MED13L: variants seen among roughly 807,000 people sequenced by gnomAD.
MED13L encodes mediator of RNA polymerase II transcription subunit 13-like.
Under a neutral mutation model 220.9 loss-of-function variants are expected in MED13L, and 7 were observed. That is an observed-to-expected ratio of 0.03 (90% confidence interval 0.02 to 0.06). The LOEUF (loss-of-function observed/expected upper bound fraction) is 0.06, where lower values mean the gene tolerates loss of function less well. Among genes scored for constraint, MED13L ranks in the 10% least tolerant of loss-of-function variants. MED13L has a pLI of 1.00. For synonymous variants in MED13L, 1,011 were observed against 1,015.2 expected, an observed-to-expected ratio of 1.00 and a Z score of 0.08; for missense variants, 1,965 against 2,760.5, an observed-to-expected ratio of 0.71 and a Z score of 6.46.
intron 1 of MED13L, among the ~76,000 whole-genome samples, chr12:116,258,235 C>A (rs1872216085): frequency 6.6e-6 from 1 of 152,172 alleles, no homozygotes; most frequent in African/African-American, 2.4e-5. Flanking sequence ...AGATTCAGCT[C>A]CTGTGTGACC....
chr12:115,997,917 T>C (rs751367039), intron 14 of MED13L, among the ~76,000 whole-genome samples: 60 of 152,346 alleles, frequency 3.9e-4, no homozygotes, highest in Admixed American at 3.2e-3. Context: ...CTTTCAAGTA[T>C]GTATAAAATA....
At chr12:116,057,123 TAG>T (rs1241184375) in intron 4 of MED13L, among the ~76,000 whole-genome samples, 1 of 152,118 alleles carries the variant, frequency 6.6e-6, no homozygotes, top group Non-Finnish European at 1.5e-5. Flanking sequence ...AGAAAGCTAG[TAG>T]AGTCATTTAA....
At chr12:116,262,486 A>AT (rs1412351063) in intron 1 of MED13L, among the ~76,000 whole-genome samples, 10 of 152,330 alleles carry the variant, frequency 6.6e-5, no homozygotes, top group Admixed American at 5.2e-4. Flanking sequence ...TCTTAACAGC[A>AT]TATCACACCT....
intron 7 of MED13L, among the ~76,000 whole-genome samples, chr12:116,017,599 C>T (rs1879802780): frequency 6.6e-6 from 1 of 152,098 alleles, no homozygotes; most frequent in Admixed American, 6.5e-5. Flanking sequence ...CTCTGCTCTA[C>T]CAAATGAAAG....
In MED13L at chr12:115,960,763, A is replaced by T. The variant is rs1179553558; in HGVS notation, c.*503T>A. 5.1e-6 allele frequency: 1 copy of T among 194,574 alleles called. No individual in the cohort carries two copies. The highest frequency in any genetic ancestry group is 1.1e-4 in the East Asian group (1 of 8,852). 12.1% of individuals were successfully genotyped at this position (194,574 alleles called of 1,614,324 possible). A position where few individuals can be genotyped will look rare whatever the true frequency, so the allele number is the denominator to read the frequency against. ...TAATCTGGATGGGAACACTAGGGAG[A>T]CAGAAACCCCAGTATGAAACCATGT... On this transcript the variant is annotated 3_prime_UTR_variant, in exon 31 of 31. Transcript: ENST00000281928.
intron 4 of MED13L, among the ~76,000 whole-genome samples, chr12:116,054,039 T>C (rs1868736317): frequency 6.6e-6 from 1 of 152,172 alleles, no homozygotes; most frequent in East Asian, 1.9e-4. Context: ...ACAAATTGTC[T>C]GCCAGCCGTG....
chr12:116,072,458 T>C (rs1870454666), intron 4 of MED13L, among the ~76,000 whole-genome samples: 1 of 152,060 alleles, frequency 6.6e-6, no homozygotes, highest in Non-Finnish European at 1.5e-5. Flanking sequence ...CAGTTTTTGT[T>C]TTTTGTTTTT....
chr12:116,133,857 C>G (rs1007370598), intron 2 of MED13L, among the ~76,000 whole-genome samples: 23 of 152,190 alleles, frequency 1.5e-4, no homozygotes, highest in Non-Finnish European at 3.1e-4. Context: ...CCACACGGAG[C>G]AGCCACATGT....
chr12:116,114,265 A>G (rs1874335672), intron 2 of MED13L, among the ~76,000 whole-genome samples: 1 of 152,214 alleles, frequency 6.6e-6, no homozygotes, highest in Admixed American at 6.5e-5. Context: ...GAAAGTTTAC[A>G]AACAACAAAC....
At chr12:116,228,322 T>C (rs1220850843) in intron 2 of MED13L, among the ~76,000 whole-genome samples, 1 of 152,210 alleles carries the variant, frequency 6.6e-6, no homozygotes, top group East Asian at 1.9e-4. Context: ...AGGTTTTATT[T>C]TTTTCTTTTC....
intron 2 of MED13L, among the ~76,000 whole-genome samples, chr12:116,165,423 C>CG (rs1181192977): frequency 6.6e-6 from 1 of 151,826 alleles, no homozygotes; most frequent in East Asian, 1.9e-4. Flanking sequence ...CTCTGCCTCC[C>CG]GAGTTCACGC....
At chr12:116,211,951 TAAATAACTATTA>T (rs1250717414) in intron 2 of MED13L, among the ~76,000 whole-genome samples, 1 of 151,956 alleles carries the variant, frequency 6.6e-6, no homozygotes, top group Non-Finnish European at 1.5e-5. Flanking sequence ...TGTAGTTTAA[TAAATAACTATTA>T]AAATAAGTTG....
intron 4 of MED13L, among the ~76,000 whole-genome samples, chr12:116,052,773 C>T (rs750617346): frequency 6.6e-6 from 1 of 152,146 alleles, no homozygotes; most frequent in Non-Finnish European, 1.5e-5. Context: ...GAAGAGGAAG[C>T]AGGGGAACAG....
intron 2 of MED13L, 56 bp downstream of exon 2, chr12:116,237,412 C>G: frequency 7.6e-7 from 1 of 1,324,090 alleles, no homozygotes; most frequent in Middle Eastern, 1.8e-4. Flanking sequence ...TGAAATTTAT[C>G]AATGTTCAAA....
chr12:116,045,047 A>C (rs955946318), intron 4 of MED13L, among the ~76,000 whole-genome samples: 1 of 152,196 alleles, frequency 6.6e-6, no homozygotes, highest in Non-Finnish European at 1.5e-5. Context: ...CATAAATCCA[A>C]GGAGTTAAAT....
chr12:115,965,267 T>C (rs1300656947), intron 29 of MED13L, among the ~76,000 whole-genome samples: 1 of 152,250 alleles, frequency 6.6e-6, no homozygotes, highest in Non-Finnish European at 1.5e-5. Flanking sequence ...AATATTTCAC[T>C]GTCTGGATGC....
At chr12:116,276,914 G>C (rs1020203916) in intron 1 of MED13L, 146 bp downstream of exon 1, 2 of 1,005,640 alleles carry the variant, frequency 2.0e-6, no homozygotes, top group East Asian at 5.5e-5. Context: ...ATCCAAAAGG[G>C]GGAGAATCGG....
chr12:116,032,674 T>C (rs930020739), intron 4 of MED13L, among the ~76,000 whole-genome samples: 1 of 152,224 alleles, frequency 6.6e-6, no homozygotes, highest in Non-Finnish European at 1.5e-5. Context: ...TCATCAAGAC[T>C]GTTCTTCCTG....
intron 23 of MED13L, chr12:115,980,424 A>C (rs1433209638): frequency 2.9e-6 from 1 of 347,852 alleles, no homozygotes; most frequent in East Asian, 6.6e-5. Context: ...CCTGGGCTCA[A>C]GTGATCCTTC....
Sources: allele counts gnomAD v4.1 joint callset (sites outside exome capture counted in the v4.1 genomes callset), GRCh38; gene constraint gnomAD v4.1.1; transcripts MANE v1.5; gene names NCBI Gene and HGNC (gene_info 2026-07-23, HGNC 2026-07-21).